GJB7: variants seen among roughly 807,000 people sequenced by gnomAD.
GJB7 encodes the protein gap junction beta-7 protein.
For synonymous variants in GJB7, 87 were observed against 95.2 expected, an observed-to-expected ratio of 0.91 and a Z score of 0.50; for missense variants, 253 against 256.8, an observed-to-expected ratio of 0.99 and a Z score of 0.10.
At chr6:87,300,003 AAT>A (rs1776297821) in intron 2 of GJB7, 1 of 335,490 alleles carries the variant, frequency 3.0e-6, no homozygotes, top group African/African-American at 2.1e-5. Context: ...AAAGTGAATG[AAT>A]GAAAGACAGA....
At chr6:87,318,981 G>A (rs1181470730) in intron 2 of GJB7, among the ~76,000 whole-genome samples, 3 of 152,138 alleles carry the variant, frequency 2.0e-5, no homozygotes, top group Non-Finnish European at 2.9e-5. Context: ...TTTAAAAAGC[G>A]CTAGTGGCAT....
chr6:87,300,257 T>C (rs1183964943), intron 2 of GJB7: 1 of 189,898 alleles, frequency 5.3e-6, no homozygotes, highest in East Asian at 1.3e-4. Flanking sequence ...TCCTAAGAAG[T>C]TGGTGATGAT....
At chr6:87,318,623 C>T (rs1776616756) in intron 2 of GJB7, among the ~76,000 whole-genome samples, 1 of 152,122 alleles carries the variant, frequency 6.6e-6, no homozygotes. Context: ...GTGACATTTG[C>T]TAATATCATA....
rs1776494308 is a variant in GJB7, at chr6:87,310,102, T to C, written c.-28+12764A>G. 3.9e-5 allele frequency among the ~76,000 whole-genome samples: 6 copies of C among 152,016 alleles called. No individual in the cohort carries two copies. In the South Asian group the frequency reaches 1.2e-3, roughly 32 times the overall value. ...CAATGCTGGGCCAATTGGAAATCCA[T>C]ATGGAAAAAAAATTCATCTTGATTG... On this transcript the variant is annotated intron_variant, in intron 2 of 2. Transcript: ENST00000525899.
At chr6:87,320,468 A>G (rs938165899) in intron 2 of GJB7, among the ~76,000 whole-genome samples, 5 of 152,220 alleles carry the variant, frequency 3.3e-5, no homozygotes, top group African/African-American at 1.2e-4. Flanking sequence ...TAACTTGTGT[A>G]AACCAGAAAG....
intron 2 of GJB7, among the ~76,000 whole-genome samples, chr6:87,300,733 T>A (rs894521743): frequency 6.6e-6 from 1 of 152,256 alleles, no homozygotes; most frequent in Non-Finnish European, 1.5e-5. Context: ...TCTTTCAACT[T>A]AAATCACAGA....
intron 2 of GJB7, among the ~76,000 whole-genome samples, chr6:87,321,672 C>A (rs1430169368): frequency 6.6e-6 from 1 of 152,044 alleles, no homozygotes; most frequent in Admixed American, 6.6e-5. Context: ...TTGTATTAGT[C>A]TCTTCTCACA....
intron 2 of GJB7, among the ~76,000 whole-genome samples, chr6:87,306,834 A>G (rs530038691): frequency 6.6e-6 from 1 of 152,362 alleles, no homozygotes; most frequent in East Asian, 1.9e-4. Flanking sequence ...ACCATGGAAT[A>G]TTATGCAGCC....
At chr6:87,327,875 G>T (rs375984526) in intron 1 of GJB7, among the ~76,000 whole-genome samples, 1 of 148,636 alleles carries the variant, frequency 6.7e-6, no homozygotes, top group East Asian at 1.9e-4. Context: ...CATTCTCCCC[G>T]TCACTTTCAG....
rs539277539 is a variant in GJB7 at position 87,314,856 on chromosome 6, C to T, written c.-28+8010G>A. 2.0e-5 allele frequency among the ~76,000 whole-genome samples: 3 copies of T among 152,302 alleles called. No individual in the cohort carries two copies. In the East Asian group the frequency reaches 5.8e-4, roughly 29 times the overall value. ...CTTGCATGGAGCTCCATGGAACTTT[C>T]CTGGGGCATCCACGCCTTCACAGAA... is the stretch of plus-strand genomic sequence containing the variant. On this transcript the variant is annotated intron_variant, in intron 2 of 2. Coordinates refer to ENST00000525899, the MANE Select transcript of GJB7 (RefSeq NM_198568.3).
At chr6:87,285,259 A>G (rs913019388) in intron 2 of GJB7, among the ~76,000 whole-genome samples, 1 of 152,200 alleles carries the variant, frequency 6.6e-6, no homozygotes, top group African/African-American at 2.4e-5. Flanking sequence ...CTAAAGATGG[A>G]TGGGTCATGT....
In GJB7 at chr6:87,283,508, C is replaced by T. The variant is rs1266671276; in HGVS notation, c.*733G>A. 2 of 152,238 alleles carry T rather than the reference C, an allele frequency of 1.3e-5. No individual in the cohort carries two copies. The highest frequency in any genetic ancestry group is 1.5e-5 in the Non-Finnish European group (1 of 68,070). 9.4% of individuals were successfully genotyped at this position (152,238 alleles called of 1,614,324 possible). ...ACCACTGAAATGATAGCTTTCCTCC[C>T]TCTCCTCTAATCCACTTATATCCAA... On this transcript the variant is annotated 3_prime_UTR_variant, in exon 3 of 3. Coordinates refer to ENST00000525899, the MANE Select transcript of GJB7 (RefSeq NM_198568.3).
In GJB7 at chr6:87,284,266, T is replaced by G. The variant is rs1776018183; in HGVS notation, c.647A>C (p.Lys216Thr). Reference protein sequence around the residue: ...FIKCCLQKYLKKPQVLSV With the variant: ...FIKCCLQKYLTKPQVLSV ...TCACACACTGAGGACTTGAGGTTTT[T>G]TTAAATATTTTTGGAGACAGCACTT... is the stretch of plus-strand genomic sequence containing the variant. Residue 216 changes from lysine to threonine, a missense_variant, in exon 3 of 3, where the codon AAA (lysine) becomes ACA (threonine). Coordinates refer to ENST00000525899, the MANE Select transcript of GJB7 (RefSeq NM_198568.3). 6.2e-7 allele frequency: 1 copy of G among 1,613,586 alleles called. No individual in the cohort carries two copies. Among genetic ancestry groups the G allele is most frequent in the Non-Finnish European group, 8.5e-7 (1 of 1,179,814 alleles).
intron 2 of GJB7, among the ~76,000 whole-genome samples, chr6:87,293,512 A>G (rs1441817662): frequency 4.0e-5 from 6 of 151,828 alleles, no homozygotes; most frequent in East Asian, 3.9e-4. Flanking sequence ...TCCAGTTCCC[A>G]GTTCCCAAAG....
At chr6:87,306,868 C>T (rs1776436202) in intron 2 of GJB7, among the ~76,000 whole-genome samples, 1 of 152,086 alleles carries the variant, frequency 6.6e-6, no homozygotes, top group South Asian at 2.1e-4. Context: ...AGTTCATGTC[C>T]TTTATAGGGA....
chr6:87,299,721 G>A (rs1350728281), intron 2 of GJB7: 1 of 160,820 alleles, frequency 6.2e-6, no homozygotes. Flanking sequence ...GTGGTCTGGT[G>A]TTTAGTGAAG....
intron 1 of GJB7, among the ~76,000 whole-genome samples, chr6:87,327,230 G>T (rs1294539589): frequency 2.0e-5 from 3 of 146,866 alleles, no homozygotes; most frequent in Non-Finnish European, 4.5e-5. Flanking sequence ...CAATTTGCCA[G>T]TCTGTGTCTT....
chr6:87,288,119 T>A (rs1323250053), intron 2 of GJB7, among the ~76,000 whole-genome samples: 1 of 152,032 alleles, frequency 6.6e-6, no homozygotes, highest in East Asian at 1.9e-4. Context: ...ACTAGGCTGG[T>A]CTCGAATTCC....
At chr6:87,307,642 A>C (rs1341313582) in intron 2 of GJB7, among the ~76,000 whole-genome samples, 2 of 152,280 alleles carry the variant, frequency 1.3e-5, no homozygotes, top group East Asian at 1.9e-4. Flanking sequence ...TCATCACTGG[A>C]CATCAGAGAA....
Sources: allele counts gnomAD v4.1 joint callset (sites outside exome capture counted in the v4.1 genomes callset), GRCh38; gene constraint gnomAD v4.1.1; transcripts MANE v1.5; gene names NCBI Gene and HGNC (gene_info 2026-07-23, HGNC 2026-07-21).